Variants in HNF4A observed in about 807,000 individuals in gnomAD.
HNF4A encodes the protein hepatocyte nuclear factor 4-alpha.
A neutral mutation model predicts 52.4 loss-of-function variants in HNF4A; 15 were observed. The ratio of observed to expected loss-of-function variants is 0.29; its 90% CI spans 0.19 to 0.44. The LOEUF (loss-of-function observed/expected upper bound fraction) is 0.44. Among genes scored for constraint, HNF4A ranks in the 20% least tolerant of loss-of-function variants. The pLI, the probability that HNF4A is intolerant of heterozygous loss-of-function variation, is 1.00. For missense variants in HNF4A, 479 were observed against 647.2 expected, an observed-to-expected ratio of 0.74 and a Z score of 2.82; for synonymous variants, 280 against 264.4, an observed-to-expected ratio of 1.06 and a Z score of -0.57.
In HNF4A at chr20:44,375,022, A is replaced by T. The variant is rs1032663014; in HGVS notation, c.49+19169A>T. Among the ~76,000 whole-genome samples, 10 of 152,190 alleles carry T rather than the reference A, an allele frequency of 6.6e-5. 2 individuals are homozygous for T. The Middle Eastern group carries it at 0.031, about 466-fold the overall frequency. On this transcript the variant is annotated intron_variant, in intron 1 of 9. Transcript: ENST00000316673. ...CATCTGTTATTTTTTTGACTTTTTAATGACAGCCATTCTTCAGATATCAAG... is the reference window on the plus strand; with the variant it reads ...CATCTGTTATTTTTTTGACTTTTTATTGACAGCCATTCTTCAGATATCAAG...
intron 1 of HNF4A, chr20:44,402,552 A>C (rs1568717550): frequency 1.5e-6 from 2 of 1,364,464 alleles, no homozygotes; most frequent in Admixed American, 1.9e-5. Context: ...GTCTCTGAGC[A>C]GATTTTGTTG....
At chr20:44,363,140 G>A (rs1382397704) in intron 1 of HNF4A, among the ~76,000 whole-genome samples, 1 of 152,090 alleles carries the variant, frequency 6.6e-6, no homozygotes, top group Non-Finnish European at 1.5e-5. Context: ...ACAGGCCTGA[G>A]CCACTGCGCC....
At chr20:44,413,362 C>T (rs1406495941) in intron 3 of HNF4A, among the ~76,000 whole-genome samples, 2 of 152,136 alleles carry the variant, frequency 1.3e-5, no homozygotes, top group Admixed American at 6.5e-5. Flanking sequence ...CTTTTGTAGA[C>T]CAGAGCTTGA....
At chr20:44,381,526 T>A (rs2063153716) in intron 1 of HNF4A, among the ~76,000 whole-genome samples, 1 of 152,144 alleles carries the variant, frequency 6.6e-6, no homozygotes, top group African/African-American at 2.4e-5. Context: ...TCAACTGATC[T>A]GCCTGCCTCA....
At chr20:44,409,128 C>T (rs1044942333) in intron 3 of HNF4A, among the ~76,000 whole-genome samples, 1 of 152,118 alleles carries the variant, frequency 6.6e-6, no homozygotes, top group Non-Finnish European at 1.5e-5. Flanking sequence ...TTGCTGATCC[C>T]GATGCAGGAG....
At position 44,428,357 on chromosome 20, in the gene HNF4A, T is replaced by C. The variant is rs765018556; in HGVS notation, c.1152T>C (p.His384=). 22 of 1,614,026 alleles carry C rather than the reference T, an allele frequency of 1.4e-5. 1 individual carries two copies. In the South Asian group the frequency reaches 1.9e-4, roughly 14 times the overall value. The stretch of plus-strand genomic sequence containing the variant: ...CAGGGTCCCCCAGCGATGCACCCCA[T>C]GCCCACCACCCCCTGCACCCTCACC... The change falls in exon 9 of 10, where the codon CAT becomes CAC. Residue 384 remains histidine, a synonymous_variant. Transcript: ENST00000316099.
chr20:44,393,161 GC>G (rs1274573469), intron 1 of HNF4A, among the ~76,000 whole-genome samples: 1 of 152,140 alleles, frequency 6.6e-6, no homozygotes, highest in African/African-American at 2.4e-5. Context: ...CAGCCTTCAG[GC>G]CCCACAAGGG....
upstream of HNF4A, among the ~76,000 whole-genome samples, chr20:44,398,258 C>T (rs1346186541): frequency 6.6e-6 from 1 of 152,208 alleles, no homozygotes; most frequent in Non-Finnish European, 1.5e-5. Flanking sequence ...TGTACAATGT[C>T]ATGTGTATTC....
At chr20:44,403,677 T>G (rs1482434378) in intron 1 of HNF4A, among the ~76,000 whole-genome samples, 1 of 152,140 alleles carries the variant, frequency 6.6e-6, no homozygotes, top group Non-Finnish European at 1.5e-5. Context: ...AGCAGACACC[T>G]CAACATGTGT....
chr20:44,377,484 C>CGG (rs973195309), intron 1 of HNF4A, among the ~76,000 whole-genome samples: 1 of 151,996 alleles, frequency 6.6e-6, no homozygotes, highest in Non-Finnish European at 1.5e-5. Flanking sequence ...CACATGCAGC[C>CGG]GGGCGCGGTA....
chr20:44,409,446 T>C lies in HNF4A; in HGVS notation c.385+1971T>C, dbSNP rs536389122. On this transcript the variant is annotated intron_variant, in intron 3 of 9. Transcript: ENST00000316099. ...ATTCCATTATCCCAAAAGCCTAAGA[T>C]TTTAGGCACTATGATTCCTCATAGG... 5.9e-5 allele frequency among the ~76,000 whole-genome samples: 9 copies of C among 152,284 alleles called. No individual in the cohort carries two copies. In the South Asian group the frequency reaches 1.9e-3, roughly 32 times the overall value.
intron 1 of HNF4A, among the ~76,000 whole-genome samples, chr20:44,385,571 C>G (rs1396450884): frequency 1.3e-5 from 2 of 151,828 alleles, no homozygotes; most frequent in African/African-American, 4.8e-5. Flanking sequence ...CAGGTTCAAG[C>G]AATTCTCCTG....
chr20:44,390,400 C>A, intron 1 of HNF4A: 1 of 514,350 alleles, frequency 1.9e-6, no homozygotes, highest in Non-Finnish European at 3.5e-6. Flanking sequence ...TTGGGGTTGG[C>A]TCTCTAGGAG....
In HNF4A at chr20:44,429,602, C is replaced by T. The variant is rs1436048856; in HGVS notation, c.1362C>T (p.Ala454=). The stretch of plus-strand genomic sequence containing the variant: ...ATAAGCTCCTGCCGGGAGCCGTCGC[C>T]ACAATCGTCAAGCCCCTCTCTGCCA... The change falls in exon 10 of 10, where the codon GCC becomes GCT. Residue 454 remains alanine, a synonymous_variant. Coordinates refer to ENST00000316099, the MANE Select transcript of HNF4A (RefSeq NM_000457.6). 5 of 1,614,090 alleles carry T rather than the reference C, an allele frequency of 3.1e-6. No individual in the cohort carries two copies. The highest frequency in any genetic ancestry group is 1.7e-4 in the Middle Eastern group (1 of 6,060).
At chr20:44,397,897 G>A (rs1219428877), upstream of HNF4A, among the ~76,000 whole-genome samples, 1 of 152,176 alleles carries the variant, frequency 6.6e-6, no homozygotes, top group Non-Finnish European at 1.5e-5. Context: ...AAGATGCTAG[G>A]ATTACAGGTG....
intron 3 of HNF4A, among the ~76,000 whole-genome samples, chr20:44,410,165 C>A (rs2063561112): frequency 6.6e-6 from 1 of 152,212 alleles, no homozygotes; most frequent in African/African-American, 2.4e-5. Context: ...GCAAAGCCAG[C>A]AAACCCCTTA....
Position 44,401,412 on chromosome 20 carries a change from G to T in HNF4A, c.40G>T (p.Asp14Tyr). The T allele has an allele frequency of 1.2e-6, 2 of 1,614,166 alleles. No homozygotes were observed. The highest frequency in any genetic ancestry group is 1.7e-6 in the Non-Finnish European group (2 of 1,180,022). ...AACCCTCGTCGACATGGACATGGCCGACTACAGTGCTGCACTGGACCCAGC... is the reference window on the plus strand; with the variant it reads ...AACCCTCGTCGACATGGACATGGCCTACTACAGTGCTGCACTGGACCCAGC... The change falls in exon 1 of 10, where the codon GAC becomes TAC. Residue 14 changes from aspartate to tyrosine, a missense_variant. Around this residue, in one of 3 missense-constraint regions of HNF4A, gnomAD observed 90 missense variants for 105.5 expected, o/e 0.85. Transcript: ENST00000316099.
At chr20:44,370,741 G>A (rs2063025266) in intron 1 of HNF4A, among the ~76,000 whole-genome samples, 1 of 152,192 alleles carries the variant, frequency 6.6e-6, no homozygotes, top group Admixed American at 6.5e-5. Context: ...GATGGGGACA[G>A]CTGAGTCAGT....
intron 1 of HNF4A, among the ~76,000 whole-genome samples, chr20:44,395,050 G>A (rs1415095440): frequency 6.6e-6 from 1 of 151,240 alleles, no homozygotes; most frequent in Non-Finnish European, 1.5e-5. Flanking sequence ...CAAGCCAGTG[G>A]CCACCCATCA....
Sources: allele counts gnomAD v4.1 joint callset (sites outside exome capture counted in the v4.1 genomes callset), GRCh38; gene constraint gnomAD v4.1.1; regional missense constraint gnomAD v4.1.1; transcripts MANE v1.5; gene names NCBI Gene and HGNC (gene_info 2026-07-23, HGNC 2026-07-21).